The following LARS2 variants were observed in gnomAD, a reference collection of about 807,000 sequenced individuals.
LARS2 encodes leucyl-tRNA synthetase 2, mitochondrial.
Under a neutral mutation model 116.6 loss-of-function variants are expected in LARS2, and 81 were observed. That is an observed-to-expected ratio of 0.69 (90% CI 0.58 to 0.84). The LOEUF (loss-of-function observed/expected upper bound fraction) is 0.84. Ranked by LOEUF, LARS2 falls within the 40% of genes least tolerant of loss-of-function variation. The probability of loss-of-function intolerance (pLI) is 0.00; values close to 1 mark genes in which losing one functional copy is unlikely to be tolerated. For synonymous variants in LARS2, 396 were observed against 407.2 expected (o/e 0.97, Z 0.33); for missense variants, 968 against 1,114.5 (o/e 0.87, Z 1.87).
Position 45,430,003 on chromosome 3 carries a change from C to CTTTTTTTTTT in LARS2, c.516+10291_516+10300dup, listed in dbSNP as rs66989698. 2.5e-4 allele frequency among the ~76,000 whole-genome samples: 14 copies of CTTTTTTTTTT among 56,952 alleles called. 4 individuals carry two copies. The highest frequency in any genetic ancestry group is 9.2e-4 in the African/African-American group (12 of 13,090). 37.4% of individuals were successfully genotyped at this position (56,952 alleles called of 152,430 possible). A position where few individuals can be genotyped will look rare whatever the true frequency, so the allele number is the denominator to read the frequency against. On this transcript the variant is annotated intron_variant, in intron 6 of 21. Coordinates refer to ENST00000645846, the MANE Select transcript of LARS2 (RefSeq NM_015340.4). ...AGGCATGAGCCACCATGCCCAGCCT[C>CTTTTTTTTTT]TTTTTTTTTTTTTTTTTTTTTTTTT... is the stretch of plus-strand genomic sequence containing the variant.
intron 13 of LARS2, among the ~76,000 whole-genome samples, chr3:45,493,161 G>A (rs1390130488): frequency 6.6e-6 from 1 of 151,860 alleles, no homozygotes; most frequent in Non-Finnish European, 1.5e-5. Flanking sequence ...GTGCGGTGGT[G>A]CAATCTCGGC....
chr3:45,508,392 C>T (rs867086760), intron 15 of LARS2, among the ~76,000 whole-genome samples: 4 of 152,060 alleles, frequency 2.6e-5, no homozygotes, highest in African/African-American at 7.2e-5. Flanking sequence ...CCTCCTTCTG[C>T]GCCACTAACT....
chr3:45,489,380 C>G lies in LARS2; in HGVS notation c.1239+568C>G, dbSNP rs77676132. ...GGAGCAGGTAGTGGGAGCAGTGATT[C>G]TCAAACTTGAGCACACATCAGAGTC... On this transcript the variant is annotated intron_variant, in intron 12 of 21. Coordinates refer to ENST00000645846, the MANE Select transcript of LARS2 (RefSeq NM_015340.4). Among the ~76,000 whole-genome samples the G allele has an allele frequency of 8.5e-3, 1,298 of 152,256 alleles. 16 individuals are homozygous for G. The highest frequency in any genetic ancestry group is 0.022 in the African/African-American group (911 of 41,536).
intron 20 of LARS2, among the ~76,000 whole-genome samples, chr3:45,526,080 A>G (rs758054278): frequency 1.3e-5 from 2 of 152,230 alleles, no homozygotes; most frequent in African/African-American, 2.4e-5. Flanking sequence ...AGGTGAGGAA[A>G]GATGGGAAAA....
chr3:45,518,008 T>C lies in LARS2; in HGVS notation c.2150T>C (p.Leu717Pro), dbSNP rs1018230796. The C allele has an allele frequency of 5.0e-6, 8 of 1,613,662 alleles. No individual in the cohort carries two copies. The Admixed American group carries it at 8.3e-5, about 17-fold the overall frequency. ...ASGKSPQPQL[L>P]SNKEKAEARK... Reference sequence around the variant, plus strand: ...GGGAAGTCTCCCCAGCCTCAGCTGCTGAGTAACAAGGAGAAAGCTGAGGCC... The same window carrying C: ...GGGAAGTCTCCCCAGCCTCAGCTGCCGAGTAACAAGGAGAAAGCTGAGGCC... The change falls in exon 18 of 22, where the codon CTG becomes CCG. Residue 717 changes from leucine (L) to proline (P), a missense_variant. Leu to Pro is a moderately conservative substitution (Grantham distance 98). Transcript: ENST00000645846.
At chr3:45,537,845 G>A (rs575105290) in intron 20 of LARS2, among the ~76,000 whole-genome samples, 22 of 152,296 alleles carry the variant, frequency 1.4e-4, no homozygotes, top group Middle Eastern at 3.4e-3. Context: ...CTCTCAGTGG[G>A]AAGAGGAGGC....
At position 45,543,872 on chromosome 3, in the gene LARS2, A is replaced by G. The variant is rs558325438; in HGVS notation, c.2532+1916A>G. Among the ~76,000 whole-genome samples the G allele has an allele frequency of 3.0e-4, 46 of 152,352 alleles. 1 individual carries two copies. Among genetic ancestry groups the G allele is most frequent in the Non-Finnish European group, 1.5e-4 (10 of 68,028 alleles). On this transcript the variant is annotated intron_variant, in intron 21 of 21. Coordinates refer to ENST00000645846, the MANE Select transcript of LARS2 (RefSeq NM_015340.4). Reference sequence around the variant, plus strand: ...GTTGAGAAATGCTAACTTAAGAAAAAGAGAGGGCTTTAGTCTATGAAAATA... The same window carrying G: ...GTTGAGAAATGCTAACTTAAGAAAAGGAGAGGGCTTTAGTCTATGAAAATA...
chr3:45,395,445 G>C (rs1336786358), intron 3 of LARS2, among the ~76,000 whole-genome samples: 2 of 152,248 alleles, frequency 1.3e-5, no homozygotes, highest in Non-Finnish European at 2.9e-5. Flanking sequence ...CCAGCTTGCT[G>C]GGAATCAGTC....
At position 45,523,984 on chromosome 3, in the gene LARS2, T is replaced by C. The variant is rs1451153812; in HGVS notation, c.2293-13T>C. ...ACACCTCAGTCTTCTTACTTTTTTTTCCTCTTCCTTAGCAAGCCTCTCAGA... is the reference window on the plus strand; with the variant it reads ...ACACCTCAGTCTTCTTACTTTTTTTCCCTCTTCCTTAGCAAGCCTCTCAGA... On this transcript the variant is annotated splice_polypyrimidine_tract_variant and intron_variant, in intron 19 of 21. Coordinates refer to ENST00000645846, the MANE Select transcript of LARS2 (RefSeq NM_015340.4). The C allele has an allele frequency of 6.2e-7, 1 of 1,604,748 alleles. No homozygotes were observed. The highest frequency in any genetic ancestry group is 1.3e-5 in the African/African-American group (1 of 74,812).
intron 21 of LARS2, among the ~76,000 whole-genome samples, chr3:45,546,396 A>G (rs191187484): frequency 8.3e-4 from 126 of 152,292 alleles, no homozygotes; most frequent in Non-Finnish European, 1.3e-3. Context: ...CGCTTTCAAA[A>G]CAGTATTTCA....
intron 6 of LARS2, among the ~76,000 whole-genome samples, chr3:45,420,643 AC>A (rs1201957311): frequency 1.3e-5 from 2 of 152,068 alleles, no homozygotes; most frequent in Non-Finnish European, 2.9e-5. Context: ...ATTTCCTCAC[AC>A]CAGAGTCAAG....
intron 20 of LARS2, among the ~76,000 whole-genome samples, chr3:45,529,221 C>A (rs1306393005): frequency 6.6e-6 from 1 of 152,126 alleles, no homozygotes; most frequent in African/African-American, 2.4e-5. Flanking sequence ...AATTTACGCA[C>A]TCCCTATCAT....
At chr3:45,507,569 T>C (rs936030924) in intron 15 of LARS2, among the ~76,000 whole-genome samples, 2 of 152,110 alleles carry the variant, frequency 1.3e-5, no homozygotes, top group African/African-American at 4.8e-5. Context: ...ACAGGGTAAA[T>C]AAAGTATAAT....
At chr3:45,468,098 C>G in intron 8 of LARS2, among the ~76,000 whole-genome samples, 1 of 140,186 alleles carries the variant, frequency 7.1e-6, no homozygotes, top group Non-Finnish European at 1.6e-5. Context: ...GACACTGTCT[C>G]AAAAAAAAAA....
intron 7 of LARS2, among the ~76,000 whole-genome samples, chr3:45,452,753 T>C (rs1699153869): frequency 6.6e-6 from 1 of 152,104 alleles, no homozygotes; most frequent in Non-Finnish European, 1.5e-5. Context: ...GAAGAATGGG[T>C]ATTAGTTTTC....
chr3:45,514,306 C>T (rs1700338381), intron 16 of LARS2, among the ~76,000 whole-genome samples: 1 of 152,146 alleles, frequency 6.6e-6, no homozygotes, highest in Admixed American at 6.5e-5. Context: ...TTTAGAAAAA[C>T]TAGTGCATAA....
chr3:45,449,681 T>G (rs1011303613), intron 7 of LARS2, among the ~76,000 whole-genome samples: 2 of 152,234 alleles, frequency 1.3e-5, no homozygotes, highest in Non-Finnish European at 2.9e-5. Flanking sequence ...TATTTTCAAA[T>G]TGGCCTTAAA....
intron 13 of LARS2, among the ~76,000 whole-genome samples, chr3:45,492,045 T>C (rs1270997692): frequency 1.3e-5 from 2 of 152,246 alleles, no homozygotes; most frequent in African/African-American, 4.8e-5. Flanking sequence ...AGTTCAGATC[T>C]ATCCCAGAAA....
chr3:45,494,106 C>T (rs1699969674), intron 13 of LARS2, among the ~76,000 whole-genome samples: 1 of 152,122 alleles, frequency 6.6e-6, no homozygotes. Context: ...TCCCCGAGGG[C>T]TCTCTCTGAA....
Sources: allele counts gnomAD v4.1 joint callset (sites outside exome capture counted in the v4.1 genomes callset), GRCh38; gene constraint gnomAD v4.1.1; transcripts MANE v1.5; gene names NCBI Gene and HGNC (gene_info 2026-07-23, HGNC 2026-07-21).